The following AGXT variants were observed in gnomAD, a reference collection of about 807,000 sequenced individuals.
AGXT encodes the protein alanine--glyoxylate aminotransferase, also known as L-alanine: glyoxylate aminotransferase 1.
A neutral mutation model predicts 46.9 loss-of-function variants in AGXT; 41 were observed. The ratio of observed to expected loss-of-function variants is 0.88; its 90% CI spans 0.68 to 1.14. The LOEUF (loss-of-function observed/expected upper bound fraction) is 1.14. Among genes scored for constraint, AGXT ranks in the 50% most tolerant of loss-of-function variants. The pLI is 0.00. For synonymous variants in AGXT, 244 were observed against 227.9 expected (o/e 1.07, Z -0.64); for missense variants, 525 against 522.7 (o/e 1.00, Z -0.04).
intron 9 of AGXT, 47 bp downstream of exon 9, chr2:240,877,679 A>G: frequency 1.3e-6 from 2 of 1,532,520 alleles, no homozygotes; most frequent in Non-Finnish European, 1.8e-6. Flanking sequence ...ATGGGGAAGG[A>G]TGAGGGGCTC....
At chr2:240,872,453 A>T (rs13020254) in intron 4 of AGXT, among the ~76,000 whole-genome samples, 10 of 53,204 alleles carry the variant, frequency 1.9e-4, no homozygotes, top group Admixed American at 2.9e-4. Flanking sequence ...AACATGCAGG[A>T]GGAGGAGGGC....
intron 4 of AGXT, among the ~76,000 whole-genome samples, chr2:240,872,352 C>T (rs1318374986): frequency 7.1e-4 from 92 of 129,462 alleles, no homozygotes; most frequent in African/African-American, 2.8e-3. Flanking sequence ...AGTTCGTGAA[C>T]ATGCAGGCGG....
At chr2:240,877,387 C>A in intron 8 of AGXT, 150 bp from the exon 9 acceptor site, 1 of 753,534 alleles carries the variant, frequency 1.3e-6, no homozygotes, top group Middle Eastern at 2.2e-4. Flanking sequence ...TAGTCCCAGG[C>A]CCTGCCCCAG....
In AGXT at chr2:240,871,410, T is replaced by C; in HGVS notation, c.485T>C (p.Val162Ala). ...FLTHGESSTG[V>A]LQPLDGFGEL... is the part of the protein sequence containing the mutation. ...ACCCACGGGGAGTCGTCCACCGGCG[T>C]GCTGCAGCCCCTTGATGGCTTCGGG... Residue 162 changes from valine to alanine, a missense_variant, in exon 4 of 11, where the codon GTG (valine) becomes GCG (alanine). Transcript: ENST00000307503. 1 of 1,600,342 alleles carries C rather than the reference T, an allele frequency of 6.2e-7. No homozygotes were observed. The highest frequency in any genetic ancestry group is 8.5e-7 in the Non-Finnish European group (1 of 1,174,094).
chr2:240,877,869 C>T (rs1298498135), intron 9 of AGXT, among the ~76,000 whole-genome samples, 153 bp from the exon 10 acceptor site: 2 of 152,206 alleles, frequency 1.3e-5, no homozygotes, highest in African/African-American at 2.4e-5. Flanking sequence ...CCATCCACCG[C>T]CTCCTAAGGG....
In AGXT at chr2:240,873,107, A is replaced by C; in HGVS notation, c.595+58A>C. ...CAAGCAGCCTTGGGGCTCCGCGTGCAGGAAGCCCTGCTGGAAGCGTGCGTC... is the reference window on the plus strand; with the variant it reads ...CAAGCAGCCTTGGGGCTCCGCGTGCCGGAAGCCCTGCTGGAAGCGTGCGTC... On this transcript the variant is annotated intron_variant, in intron 5 of 10. Transcript: ENST00000307503. 2.0e-6 allele frequency: 3 copies of C among 1,465,220 alleles called. No homozygotes were observed. The South Asian group carries it at 3.4e-5, about 17-fold the overall frequency. The allele number at this position is 1,465,220 out of a possible 1,614,324, so 90.8% of individuals were successfully genotyped here.
chr2:240,878,000 C>T (rs201252261), intron 9 of AGXT, 22 bp from the exon 10 acceptor site: 1 of 1,608,760 alleles, frequency 6.2e-7, no homozygotes, highest in East Asian at 2.2e-5. Context: ...CACCCACGCA[C>T]TGAGCCAGGC....
chr2:240,873,027 C>T lies in AGXT; in HGVS notation c.573C>T (p.Thr191=), dbSNP rs146483092. Residue 191 remains threonine (T), a synonymous_variant, in exon 5 of 11, where the codon ACC becomes ACT. Coordinates refer to ENST00000307503, the MANE Select transcript of AGXT (RefSeq NM_000030.3). ...LVDSVASLGG[T]PLYMDRQGID... ...ATTCGGTGGCATCCCTGGGCGGGAC[C>T]CCCCTTTACATGGACCGGCAAGGTA... The T allele has an allele frequency of 1.7e-4, 273 of 1,613,894 alleles. 6 individuals carry two copies. In the African/African-American group the frequency reaches 3.4e-3, roughly 20 times the overall value.
rs538272310 is a variant in AGXT at position 240,876,130 on chromosome 2, G to A, written c.846+126G>A. 7.9e-5 allele frequency: 92 copies of A among 1,163,768 alleles called. No homozygotes were observed. The African/African-American group carries it at 1.3e-3, about 17-fold the overall frequency. The allele number at this position is 1,163,768 out of a possible 1,614,324, so 72.1% of individuals were successfully genotyped here. On this transcript the variant is annotated intron_variant, in intron 8 of 10. Coordinates refer to ENST00000307503, the MANE Select transcript of AGXT (RefSeq NM_000030.3). Reference sequence around the variant, plus strand: ...GGAGCCTGCCAGAGAGAGGCCCTCAGTGGGGGTGGGGGAGAGAGGACAGGG... The same window carrying A: ...GGAGCCTGCCAGAGAGAGGCCCTCAATGGGGGTGGGGGAGAGAGGACAGGG...
chr2:240,876,137 T>TG (rs759195245), intron 8 of AGXT, 133 bp downstream of exon 8: 1 of 1,128,528 alleles, frequency 8.9e-7, no homozygotes, highest in Non-Finnish European at 1.3e-6. Context: ...TCAGTGGGGG[T>TG]GGGGGAGAGA....
In AGXT at chr2:240,869,162, G is replaced by T. The variant is rs377564684; in HGVS notation, c.166-8G>T. The T allele has an allele frequency of 2.7e-6, 4 of 1,461,808 alleles. No individual in the cohort carries two copies. The highest frequency in any genetic ancestry group is 1.8e-5 in the Admixed American group (1 of 54,102). The allele number at this position is 1,461,808 out of a possible 1,614,324, so 90.6% of individuals were successfully genotyped here. On this transcript the variant is annotated splice_polypyrimidine_tract_variant and splice_region_variant and intron_variant, in intron 1 of 10. Transcript: ENST00000307503. The stretch of plus-strand genomic sequence containing the variant: ...GCCTGGGTCTCACCCTATACCACCC[G>T]CATGCAGATCATGGACGAGATCAAG...
intron 8 of AGXT, chr2:240,876,979 G>A: frequency 4.1e-6 from 1 of 243,208 alleles, no homozygotes; most frequent in Non-Finnish European, 8.4e-6. Context: ...GTAGAGAGCA[G>A]CTGCTGCTCC....
At chr2:240,874,709 T>A (rs73106680) in intron 6 of AGXT, among the ~76,000 whole-genome samples, 2,105 of 152,332 alleles carry the variant, frequency 0.014, 51 homozygotes, top group African/African-American at 0.047. Flanking sequence ...GGCTGGCCCC[T>A]CCATCTGGAG....
At chr2:240,875,733 C>T (rs1442572525) in intron 7 of AGXT, among the ~76,000 whole-genome samples, 4 of 152,130 alleles carry the variant, frequency 2.6e-5, no homozygotes, top group Non-Finnish European at 5.9e-5. Context: ...CCTGGCTGGG[C>T]CCTACACAAG....
chr2:240,876,137 TG>T, intron 8 of AGXT, 133 bp downstream of exon 8: 1 of 1,128,528 alleles, frequency 8.9e-7, no homozygotes, highest in South Asian at 1.3e-5. Context: ...TCAGTGGGGG[TG>T]GGGGAGAGAG....
At position 240,878,778 on chromosome 2, in the gene AGXT, C is replaced by A. The variant is rs2059041967; in HGVS notation, c.1136C>A (p.Ala379Asp). 2 of 1,595,112 alleles carry A rather than the reference C, an allele frequency of 1.3e-6. No homozygotes were observed. Among genetic ancestry groups the A allele is most frequent in the South Asian group, 1.1e-5 (1 of 87,648 alleles). ...GAGAATGTGGACCGCGTGACGGAGG[C>A]CCTGAGGGCGGCCCTGCAGCACTGC... The part of the protein sequence containing the change: ...TRENVDRVTE[A>D]LRAALQHCPK... The change falls in exon 11 of 11, where the codon GCC becomes GAC. Residue 379 changes from alanine to aspartate, a missense_variant. Ala to Asp is a moderately radical substitution (Grantham distance 126). Coordinates refer to ENST00000307503, the MANE Select transcript of AGXT (RefSeq NM_000030.3).
At position 240,871,425 on chromosome 2, in the gene AGXT, A is replaced by G; in HGVS notation, c.500A>G (p.Asp167Gly). The change falls in exon 4 of 11, where the codon GAT becomes GGT. Residue 167 changes from aspartate (D) to glycine (G), a missense_variant. Physicochemically the swap from Asp to Gly is moderately conservative, Grantham distance 94. Coordinates refer to ENST00000307503, the MANE Select transcript of AGXT (RefSeq NM_000030.3). ...ESSTGVLQPL[D>G]GFGELCHRYK... ...TCCACCGGCGTGCTGCAGCCCCTTG[A>G]TGGCTTCGGGGAACTCTGCCACAGG... 1 of 1,596,482 alleles carries G rather than the reference A, an allele frequency of 6.3e-7. No individual in the cohort carries two copies. The highest frequency in any genetic ancestry group is 1.3e-5 in the African/African-American group (1 of 74,732).
intron 8 of AGXT, among the ~76,000 whole-genome samples, chr2:240,876,518 G>T (rs1040990612): frequency 1.1e-4 from 17 of 152,144 alleles, no homozygotes; most frequent in Non-Finnish European, 2.2e-4. Context: ...GCTGAGAGTG[G>T]CCTCAGGCCC....
chr2:240,875,756 T>C (rs2059021343), intron 7 of AGXT, among the ~76,000 whole-genome samples, 179 bp from the exon 8 acceptor site: 1 of 152,242 alleles, frequency 6.6e-6, no homozygotes. Context: ...ATGCTCTCCC[T>C]GGCAGACGAA....
Sources: allele counts gnomAD v4.1 joint callset (sites outside exome capture counted in the v4.1 genomes callset), GRCh38; gene constraint gnomAD v4.1.1; transcripts MANE v1.5; gene names NCBI Gene and HGNC (gene_info 2026-07-23, HGNC 2026-07-21).